Variants in FBXO34 observed in about 807,000 individuals in gnomAD.
FBXO34 encodes the protein F-box only protein 34.
FBXO34 carries 12 observed loss-of-function variants against 24.5 expected under a neutral mutation model. The ratio of observed to expected loss-of-function variants is 0.49; its 90% confidence interval spans 0.31 to 0.79. The LOEUF is 0.79. FBXO34 is among the 30% of genes least tolerant of loss of function. FBXO34 has a pLI of 0.04. For missense variants in FBXO34, 823 were observed against 857.7 expected, an observed-to-expected ratio of 0.96 and a Z score of 0.51; for synonymous variants, 320 against 311.9, an observed-to-expected ratio of 1.03 and a Z score of -0.27.
At chr14:55,359,233 C>T (rs1482462578) in intron 3 of FBXO34, among the ~76,000 whole-genome samples, 1 of 152,096 alleles carries the variant, frequency 6.6e-6, no homozygotes, top group East Asian at 1.9e-4. Context: ...TTCCCAAAGG[C>T]CAGTGCAAAA....
intron 1 of FBXO34, among the ~76,000 whole-genome samples, chr14:55,287,673 A>T (rs1336048749): frequency 1.3e-5 from 2 of 152,206 alleles, no homozygotes; most frequent in Non-Finnish European, 2.9e-5. Flanking sequence ...AAACATCAGA[A>T]TCGATTGAGG....
the FBXO34 span, chr14:55,436,586 A>G: frequency 6.2e-7 from 1 of 1,614,202 alleles, no homozygotes; most frequent in Middle Eastern, 1.6e-4. Flanking sequence ...ATTCCACAAC[A>G]TTCTGAAATA....
intron 1 of FBXO34, among the ~76,000 whole-genome samples, chr14:55,315,738 T>G (rs1435686005): frequency 1.3e-5 from 2 of 152,250 alleles, no homozygotes. Flanking sequence ...TTCTGATTCC[T>G]GATTTTTCAT....
At chr14:55,427,523 G>C in the FBXO34 span, among the ~76,000 whole-genome samples, 3 of 152,176 alleles carry the variant, frequency 2.0e-5, no homozygotes, top group Admixed American at 1.3e-4. Flanking sequence ...GCCAAGAGAA[G>C]ATAAGGCGTT....
At chr14:55,366,624 C>G (rs1050599120), downstream of FBXO34, 1 of 134,010 alleles carries the variant, frequency 7.5e-6, no homozygotes, top group Admixed American at 7.1e-5. Context: ...TTCCCCCTTA[C>G]AGATGTGCAA....
At chr14:55,287,981 A>G (rs982641786) in intron 1 of FBXO34, among the ~76,000 whole-genome samples, 1 of 152,114 alleles carries the variant, frequency 6.6e-6, no homozygotes, top group East Asian at 1.9e-4. Flanking sequence ...TGGGTGTGGA[A>G]TTTTCCACTT....
chr14:55,320,421 T>C (rs1026671823), intron 1 of FBXO34, among the ~76,000 whole-genome samples: 17 of 152,182 alleles, frequency 1.1e-4, no homozygotes, highest in Non-Finnish European at 1.9e-4. Flanking sequence ...GCAGATTCTT[T>C]TTTCCTGTCT....
At position 55,352,632 on chromosome 14, in the gene FBXO34, T is replaced by G. The variant is rs981277132; in HGVS notation, c.*106T>G. The stretch of plus-strand genomic sequence containing the variant: ...CCTGAGTCATCACTCTAGAAGAATC[T>G]GTACATCATCAGGACTGCATTGCTC... On this transcript the variant is annotated 3_prime_UTR_variant, in exon 2 of 2. Transcript: ENST00000313833. 1.1e-6 allele frequency: 1 copy of G among 930,720 alleles called. No individual in the cohort carries two copies. Among genetic ancestry groups the G allele is most frequent in the African/African-American group, 1.7e-5 (1 of 59,816 alleles). 57.7% of individuals were successfully genotyped at this position (930,720 alleles called of 1,614,324 possible). A position where few individuals can be genotyped will look rare whatever the true frequency, so the allele number is the denominator to read the frequency against.
At chr14:55,345,744 G>A in intron 1 of FBXO34, among the ~76,000 whole-genome samples, 1 of 152,234 alleles carries the variant, frequency 6.6e-6, no homozygotes, top group African/African-American at 2.4e-5. Flanking sequence ...GCTCACTCCT[G>A]TAATCCCAAT....
At chr14:55,382,757 G>T in the FBXO34 span, among the ~76,000 whole-genome samples, 31 of 152,124 alleles carry the variant, frequency 2.0e-4, no homozygotes, top group African/African-American at 7.5e-4. Context: ...GGAACCATGA[G>T]GTAGGGCTGA....
intron 1 of FBXO34, among the ~76,000 whole-genome samples, chr14:55,304,044 T>C (rs897435232): frequency 1.3e-5 from 2 of 152,230 alleles, no homozygotes; most frequent in Non-Finnish European, 2.9e-5. Context: ...GAATAGTGTT[T>C]GGATTTATTG....
the FBXO34 span, chr14:55,386,087 C>T: frequency 2.5e-6 from 4 of 1,607,298 alleles, no homozygotes; most frequent in Admixed American, 5.1e-5. Flanking sequence ...TTTGAGAAGG[C>T]CTTCAGAATC....
At chr14:55,372,846 G>A (rs368025328), downstream of FBXO34, among the ~76,000 whole-genome samples, 6 of 152,270 alleles carry the variant, frequency 3.9e-5, no homozygotes, top group South Asian at 6.2e-4. Flanking sequence ...CCAAGTTCCC[G>A]GTGGACTCCG....
chr14:55,278,657 G>A (rs1881426175), intron 1 of FBXO34, among the ~76,000 whole-genome samples: 1 of 152,168 alleles, frequency 6.6e-6, no homozygotes, highest in Admixed American at 6.5e-5. Flanking sequence ...TTAAAATGTA[G>A]TTATAAAAGT....
At chr14:55,279,194 G>A (rs1881446416) in intron 1 of FBXO34, among the ~76,000 whole-genome samples, 1 of 151,422 alleles carries the variant, frequency 6.6e-6, no homozygotes, top group African/African-American at 2.4e-5. Context: ...GGCTGAGGCA[G>A]AGAATTGCTT....
intron 1 of FBXO34, among the ~76,000 whole-genome samples, chr14:55,328,157 C>T (rs1042299261): frequency 6.6e-6 from 1 of 151,834 alleles, no homozygotes; most frequent in African/African-American, 2.4e-5. Context: ...TGGGGTTTTG[C>T]CATGTTGGCC....
At chr14:55,393,337 A>G in the FBXO34 span, among the ~76,000 whole-genome samples, 4 of 152,032 alleles carry the variant, frequency 2.6e-5, no homozygotes, top group African/African-American at 9.7e-5. Flanking sequence ...GTGAGCCGAG[A>G]TCGCGCCACT....
the FBXO34 span, chr14:55,440,306 A>G: frequency 5.4e-6 from 8 of 1,489,164 alleles, no homozygotes; most frequent in Admixed American, 8.1e-5. Flanking sequence ...TATGGTCGCT[A>G]TGAGTTTTAA....
chr14:55,284,920 C>T (rs1881705560), intron 1 of FBXO34, among the ~76,000 whole-genome samples: 1 of 149,974 alleles, frequency 6.7e-6, no homozygotes, highest in Non-Finnish European at 1.5e-5. Flanking sequence ...TCTGGCCTTA[C>T]CTTGGTTCTT....
Sources: gnomAD v4.1 joint callset for allele counts (sites outside exome capture counted in the v4.1 genomes callset) on GRCh38, gnomAD v4.1.1 for gene constraint, MANE v1.5 for transcripts, NCBI Gene and HGNC (gene_info 2026-07-23, HGNC 2026-07-21) for gene names.